ZNF664: variants seen among roughly 807,000 people sequenced by gnomAD.
The protein encoded by ZNF664 is zinc finger protein 664.
ZNF664 carries 10 observed loss-of-function variants against 18.2 expected under a neutral mutation model. The observed-to-expected ratio is 0.55, with a 90% CI of 0.34 to 0.93. The LOEUF is 0.93. Among genes scored for constraint, ZNF664 ranks in the 40% least tolerant of loss-of-function variants. The pLI, the probability that ZNF664 is intolerant of heterozygous loss-of-function variation, is 0.02. For synonymous variants in ZNF664, 119 were observed against 104.2 expected, an observed-to-expected ratio of 1.14 and a Z score of -0.86; for missense variants, 193 against 319.0, an observed-to-expected ratio of 0.61 and a Z score of 3.01.
chr12:124,011,352 G>A, intron 3 of ZNF664, 29 bp from the exon 4 acceptor site: 2 of 826,224 alleles, frequency 2.4e-6, no homozygotes, highest in Non-Finnish European at 2.9e-6. Flanking sequence ...GTAAACAGGA[G>A]CATGATATCT....
intron 2 of ZNF664, among the ~76,000 whole-genome samples, chr12:123,975,356 A>G (rs773811383): frequency 4.6e-5 from 7 of 151,908 alleles, no homozygotes; most frequent in African/African-American, 7.3e-5. Context: ...CTGACAATAC[A>G]TTAGTCTTCT....
rs200151778 is a variant in ZNF664, at chr12:124,012,933, C to T, written c.*3C>T. 47 of 1,611,162 alleles carry T rather than the reference C, an allele frequency of 2.9e-5. No homozygotes were observed. The highest frequency in any genetic ancestry group is 6.7e-5 in the Admixed American group (4 of 59,304). On this transcript the variant is annotated 3_prime_UTR_variant, in exon 5 of 5. Coordinates refer to ENST00000337815, the MANE Select transcript of ZNF664 (RefSeq NM_152437.3). ...ATCTCAAAATATCAGTTATATAAAA[C>T]GTTTTGCTAAGAGTTTAAAATCTTA...
chr12:123,981,556 T>C (rs1056672179), intron 2 of ZNF664, among the ~76,000 whole-genome samples: 1 of 152,166 alleles, frequency 6.6e-6, no homozygotes, highest in Admixed American at 6.5e-5. Context: ...TCACCAGATG[T>C]GGTCCTGGGC....
rs1219468914 is a variant in ZNF664 at position 124,014,057 on chromosome 12, C to T, written c.*1127C>T. On this transcript the variant is annotated 3_prime_UTR_variant, in exon 5 of 5. Coordinates refer to ENST00000337815, the MANE Select transcript of ZNF664 (RefSeq NM_152437.3). Reference sequence around the variant, plus strand: ...TGATGAGACAGACAAGGTCCCTACTCTTGTGGAGTTTACTTCTGGTGGAGG... The same window carrying T: ...TGATGAGACAGACAAGGTCCCTACTTTTGTGGAGTTTACTTCTGGTGGAGG... 1 of 166,964 alleles carries T rather than the reference C, an allele frequency of 6.0e-6. No individual in the cohort carries two copies. Among genetic ancestry groups the T allele is most frequent in the Non-Finnish European group, 1.5e-5 (1 of 68,134 alleles). The allele number at this position is 166,964 out of a possible 1,614,324, so 10.3% of individuals were successfully genotyped here.
chr12:124,011,511 C>T, intron 4 of ZNF664, 35 bp from the exon 5 acceptor site: 1 of 799,472 alleles, frequency 1.3e-6, no homozygotes, highest in Non-Finnish European at 1.5e-6. Flanking sequence ...CAGATAAAAG[C>T]ATTTTCAATT....
intron 2 of ZNF664, among the ~76,000 whole-genome samples, chr12:123,978,801 A>G (rs1293122385): frequency 6.6e-6 from 1 of 152,254 alleles, no homozygotes; most frequent in African/African-American, 2.4e-5. Context: ...TGGTGAACAC[A>G]AGAATAGACA....
intron 3 of ZNF664, among the ~76,000 whole-genome samples, chr12:124,010,115 T>C (rs1309127645): frequency 6.6e-6 from 1 of 152,214 alleles, no homozygotes; most frequent in Non-Finnish European, 1.5e-5. Context: ...GGATATATTC[T>C]AGAATTATTA....
intron 3 of ZNF664, among the ~76,000 whole-genome samples, chr12:124,008,424 C>G (rs1352572543): frequency 6.6e-6 from 1 of 152,206 alleles, no homozygotes; most frequent in Non-Finnish European, 1.5e-5. Context: ...TGGTGACAGC[C>G]TGGTCCTGGC....
intron 3 of ZNF664, among the ~76,000 whole-genome samples, chr12:123,995,273 C>T (rs1302819453): frequency 1.3e-5 from 2 of 152,210 alleles, no homozygotes; most frequent in Non-Finnish European, 2.9e-5. Flanking sequence ...AGAACATTTT[C>T]ATATTAAGTG....
chr12:123,989,360 A>G (rs1338525637), intron 3 of ZNF664: 1 of 152,334 alleles, frequency 6.6e-6, no homozygotes, highest in African/African-American at 2.4e-5. Context: ...ACAAGGGCAA[A>G]TGTTCTCTCT....
chr12:124,004,689 C>CT (rs1957050426), intron 3 of ZNF664, among the ~76,000 whole-genome samples: 2 of 152,178 alleles, frequency 1.3e-5, no homozygotes, highest in African/African-American at 4.8e-5. Flanking sequence ...GAAGCTTCAT[C>CT]TATTTATAGC....
chr12:124,002,854 A>G (rs1046749587), intron 3 of ZNF664, among the ~76,000 whole-genome samples: 5 of 152,128 alleles, frequency 3.3e-5, no homozygotes, highest in African/African-American at 9.7e-5. Context: ...AGATCACGTG[A>G]CTGGTGAGAT....
chr12:124,008,629 C>T (rs866759079), intron 3 of ZNF664, among the ~76,000 whole-genome samples: 2 of 152,188 alleles, frequency 1.3e-5, no homozygotes, highest in African/African-American at 4.8e-5. Flanking sequence ...AGTTGGGCCC[C>T]TAGTTAATTC....
chr12:123,974,125 C>G, intron 2 of ZNF664, 105 bp downstream of exon 2: 1 of 816,294 alleles, frequency 1.2e-6, no homozygotes, highest in Non-Finnish European at 1.6e-6. Flanking sequence ...TCCCCGGCTT[C>G]TCATGAACTC....
intron 2 of ZNF664, among the ~76,000 whole-genome samples, chr12:123,976,130 T>C (rs1052194344): frequency 7.9e-5 from 12 of 152,174 alleles, no homozygotes; most frequent in Admixed American, 7.2e-4. Context: ...AGCTTATGAT[T>C]TGTGAGGGGG....
In ZNF664 at chr12:123,973,674, C is replaced by T. The variant is rs376468315; in HGVS notation, c.-891-212C>T. 1.0e-5 allele frequency: 8 copies of T among 793,910 alleles called. No homozygotes were observed. The East Asian group carries it at 1.4e-4, about 14-fold the overall frequency. 49.2% of individuals were successfully genotyped at this position (793,910 alleles called of 1,614,324 possible). On this transcript the variant is annotated intron_variant, in intron 1 of 4. Coordinates refer to ENST00000337815, the MANE Select transcript of ZNF664 (RefSeq NM_152437.3). ...GGGCAGCGGGCAGGGCGAGGCCGGG[C>T]GAGGCCCCTCGGGAGCCGGACTCCC...
intron 2 of ZNF664, among the ~76,000 whole-genome samples, chr12:123,984,339 G>A (rs1390386894): frequency 1.3e-5 from 2 of 152,162 alleles, no homozygotes; most frequent in Admixed American, 6.5e-5. Flanking sequence ...CCCTTGGATT[G>A]GCCAAGAGAA....
In ZNF664 at chr12:123,986,247, G is replaced by C. The variant is rs542439265; in HGVS notation, c.-756-1796G>C. ...GGGATTTTTTGTTGCAAAGAACAGA[G>C]TTTCATTCAGACCACTTTCTGTACA... is the stretch of plus-strand genomic sequence containing the variant. On this transcript the variant is annotated intron_variant, in intron 2 of 4. Coordinates refer to ENST00000337815, the MANE Select transcript of ZNF664 (RefSeq NM_152437.3). 2.8e-4 allele frequency among the ~76,000 whole-genome samples: 43 copies of C among 152,306 alleles called. 1 individual carries two copies. The South Asian group carries it at 8.7e-3, about 31-fold the overall frequency.
intron 3 of ZNF664, among the ~76,000 whole-genome samples, chr12:123,989,889 ATTC>A: frequency 6.6e-6 from 1 of 152,262 alleles, no homozygotes; most frequent in South Asian, 2.1e-4. Flanking sequence ...ACTGAATTCT[ATTC>A]TTAGGATTCT....
Sources: allele counts gnomAD v4.1 joint callset (sites outside exome capture counted in the v4.1 genomes callset), GRCh38; gene constraint gnomAD v4.1.1; transcripts MANE v1.5; gene names NCBI Gene and HGNC (gene_info 2026-07-23, HGNC 2026-07-21).